The following RALGAPA1 variants were observed in gnomAD, a reference collection of about 807,000 sequenced individuals.
RALGAPA1 encodes ral GTPase-activating protein subunit alpha-1.
A neutral mutation model predicts 269.6 loss-of-function variants in RALGAPA1; 52 were observed. The ratio of observed to expected loss-of-function variants is 0.19; its 90% CI spans 0.15 to 0.24. The LOEUF is 0.24. Ranked by LOEUF, RALGAPA1 falls within the 10% of genes least tolerant of loss-of-function variation. The pLI is 1.00. For synonymous variants in RALGAPA1, 817 were observed against 1,008.3 expected (o/e 0.81, Z 3.60); for missense variants, 1,917 against 3,013.9 (o/e 0.64, Z 8.52).
intron 26 of RALGAPA1, among the ~76,000 whole-genome samples, chr14:35,665,278 A>G (rs1464572524): frequency 6.6e-6 from 1 of 152,184 alleles, no homozygotes; most frequent in Non-Finnish European, 1.5e-5. Flanking sequence ...CAACATTAGA[A>G]TTTGTCTGGA....
chr14:35,696,285 G>A lies in RALGAPA1; in HGVS notation c.2407+3877C>T, dbSNP rs1010380529. Among the ~76,000 whole-genome samples, 7 of 152,178 alleles carry A rather than the reference G, an allele frequency of 4.6e-5. No homozygotes were observed. The East Asian group carries it at 7.7e-4, about 17-fold the overall frequency. On this transcript the variant is annotated intron_variant, in intron 17 of 41. Coordinates refer to ENST00000680220, the MANE Select transcript of RALGAPA1 (RefSeq NM_001346249.2). ...AAAAATTAGCCGGATGTGGTGGCAC[G>A]TGCCTATGATCCCAGCTACATGGGA...
At chr14:35,696,450 T>G (rs892073933) in intron 17 of RALGAPA1, among the ~76,000 whole-genome samples, 7 of 152,078 alleles carry the variant, frequency 4.6e-5, no homozygotes, top group African/African-American at 1.7e-4. Flanking sequence ...GGTTAGTCTA[T>G]AGCTGTATAT....
rs917801939 is a variant in RALGAPA1 at position 35,674,240 on chromosome 14, G to A, written c.4857C>T (p.Thr1619=). Residue 1619 remains threonine (T), a synonymous_variant, in exon 24 of 42, where the codon ACC becomes ACT. Transcript: ENST00000680220. The part of the protein sequence containing the change: ...DNLGISTDNL[T]SPSPPVLIPP... The stretch of plus-strand genomic sequence containing the variant: ...GAATTAAAACTGGTGGAGAAGGGGA[G>A]GTCAGGTTATCAGTTGAAATGCCAA... The A allele has an allele frequency of 1.9e-6, 3 of 1,612,168 alleles. No homozygotes were observed. The highest frequency in any genetic ancestry group is 2.5e-6 in the Non-Finnish European group (3 of 1,179,004).
chr14:35,777,706 G>C (rs1485370242), intron 1 of RALGAPA1, among the ~76,000 whole-genome samples: 1 of 152,050 alleles, frequency 6.6e-6, no homozygotes, highest in African/African-American at 2.4e-5. Context: ...GGGATTACAG[G>C]TGCCCACTAT....
chr14:35,724,584 A>C (rs1172457594), intron 14 of RALGAPA1, among the ~76,000 whole-genome samples: 6 of 152,230 alleles, frequency 3.9e-5, no homozygotes, highest in Admixed American at 3.9e-4. Context: ...GATAAGAATC[A>C]ATCTTAATTA....
chr14:35,652,771 A>G (rs114357853), intron 30 of RALGAPA1, among the ~76,000 whole-genome samples: 6,740 of 152,238 alleles, frequency 0.044, 398 homozygotes, highest in South Asian at 0.14. Flanking sequence ...TAAAGTACAG[A>G]ATACAAAGTA....
intron 27 of RALGAPA1, among the ~76,000 whole-genome samples, chr14:35,663,509 C>A (rs1037576368): frequency 6.6e-6 from 1 of 151,654 alleles, no homozygotes. Context: ...TTCTAGGGAC[C>A]AATTCAGGTC....
intron 35 of RALGAPA1, among the ~76,000 whole-genome samples, chr14:35,615,588 A>T (rs1159560364): frequency 2.0e-5 from 3 of 152,164 alleles, no homozygotes; most frequent in Non-Finnish European, 2.9e-5. Flanking sequence ...AATTATTTTT[A>T]AAAAGCAAAC....
chr14:35,796,159 A>G (rs10129151), intron 1 of RALGAPA1, among the ~76,000 whole-genome samples: 17,630 of 152,162 alleles, frequency 0.12, 1,117 homozygotes, highest in South Asian at 0.14. Context: ...TGTATTCCAT[A>G]TGTTCAAAAA....
intron 1 of RALGAPA1, among the ~76,000 whole-genome samples, chr14:35,788,798 G>A (rs1438882957): frequency 6.6e-6 from 1 of 152,092 alleles, no homozygotes; most frequent in African/African-American, 2.4e-5. Flanking sequence ...CTTAGTTTAT[G>A]AACCAAATTT....
At position 35,769,414 on chromosome 14, in the gene RALGAPA1, C is replaced by T. The variant is rs184199842; in HGVS notation, c.325+1528G>A. The stretch of plus-strand genomic sequence containing the variant: ...GAGCTAAACACTGGGTACTCATGGA[C>T]GTAAAAATGGCAATAATAGACATTG... On this transcript the variant is annotated intron_variant, in intron 4 of 41. Transcript: ENST00000680220. Among the ~76,000 whole-genome samples the T allele has an allele frequency of 1.8e-4, 28 of 151,894 alleles. 1 individual carries two copies. The East Asian group carries it at 4.4e-3, about 24-fold the overall frequency.
chr14:35,629,073 A>C (rs538597612), intron 33 of RALGAPA1, among the ~76,000 whole-genome samples: 1 of 152,324 alleles, frequency 6.6e-6, no homozygotes, highest in Non-Finnish European at 1.5e-5. Flanking sequence ...ATAATTTGTC[A>C]AAGCCAACTA....
intron 31 of RALGAPA1, 29 bp from the exon 32 acceptor site, chr14:35,635,627 G>C: frequency 6.7e-7 from 1 of 1,497,896 alleles, no homozygotes; most frequent in Non-Finnish European, 8.9e-7. Flanking sequence ...CATTATAATT[G>C]TACATTCATA....
At chr14:35,644,513 T>G (rs764089293) in intron 31 of RALGAPA1, among the ~76,000 whole-genome samples, 4 of 152,162 alleles carry the variant, frequency 2.6e-5, no homozygotes, top group Non-Finnish European at 5.9e-5. Flanking sequence ...GTAACCCAAA[T>G]AACTTATGAA....
intron 7 of RALGAPA1, among the ~76,000 whole-genome samples, chr14:35,753,678 G>C (rs191677956): frequency 2.6e-5 from 4 of 152,208 alleles, no homozygotes; most frequent in African/African-American, 7.2e-5. Flanking sequence ...TTTGCCATAG[G>C]GGTGGGGATG....
intron 33 of RALGAPA1, among the ~76,000 whole-genome samples, chr14:35,629,580 T>C (rs2061214488): frequency 6.6e-6 from 1 of 152,164 alleles, no homozygotes; most frequent in Non-Finnish European, 1.5e-5. Flanking sequence ...CTTGGCTCAC[T>C]GCAACCTCCA....
chr14:35,757,818 A>G (rs10143092), intron 6 of RALGAPA1, among the ~76,000 whole-genome samples: 52,970 of 152,146 alleles, frequency 0.35, 12,725 homozygotes, highest in African/African-American at 0.67. Context: ...CTGACTCCCA[A>G]TAAATATCAA....
chr14:35,677,288 A>C (rs1056624472), intron 22 of RALGAPA1: 1 of 152,288 alleles, frequency 6.6e-6, no homozygotes, highest in Non-Finnish European at 1.5e-5. Context: ...CTAGCTTTTC[A>C]TTCATTGTAA....
intron 37 of RALGAPA1, among the ~76,000 whole-genome samples, chr14:35,573,445 T>C (rs567777599): frequency 6.6e-6 from 1 of 152,176 alleles, no homozygotes; most frequent in Admixed American, 6.5e-5. Context: ...GAGTTGACTT[T>C]TAGTGCAGAT....
Sources: allele counts gnomAD v4.1 joint callset (sites outside exome capture counted in the v4.1 genomes callset), GRCh38; gene constraint gnomAD v4.1.1; transcripts MANE v1.5; gene names NCBI Gene and HGNC (gene_info 2026-07-23, HGNC 2026-07-21).